The following ITGA11 variants were observed in gnomAD, a reference collection of about 807,000 sequenced individuals.
The protein encoded by ITGA11 is integrin alpha-11.
Under a neutral mutation model 141.9 loss-of-function variants are expected in ITGA11, and 97 were observed. The observed-to-expected ratio is 0.68, with a 90% CI of 0.58 to 0.81. The LOEUF is 0.81. Among genes scored for constraint, ITGA11 ranks in the 30% least tolerant of loss-of-function variants. ITGA11 has a pLI of 0.00. For synonymous variants in ITGA11, 658 were observed against 624.6 expected (o/e 1.05, Z -0.80); for missense variants, 1,387 against 1,559.2 (o/e 0.89, Z 1.86).
At chr15:68,318,436 A>G (rs1377745046) in intron 20 of ITGA11, among the ~76,000 whole-genome samples, 1 of 152,162 alleles carries the variant, frequency 6.6e-6, no homozygotes, top group East Asian at 1.9e-4. Context: ...CCAGACAGAC[A>G]CAAGTCCCTG....
intron 1 of ITGA11, among the ~76,000 whole-genome samples, chr15:68,422,810 A>G (rs936057792): frequency 2.0e-5 from 3 of 152,140 alleles, no homozygotes; most frequent in South Asian, 2.1e-4. Flanking sequence ...GCATTTACAA[A>G]TAATCTCTCT....
chr15:68,311,492 G>T, intron 24 of ITGA11, 89 bp from the exon 25 acceptor site: 2 of 862,892 alleles, frequency 2.3e-6, no homozygotes, highest in Non-Finnish European at 3.8e-6. Context: ...CCTGGGGGTG[G>T]CAATTCCCCC....
At chr15:68,430,687 A>T (rs559536240) in intron 1 of ITGA11, among the ~76,000 whole-genome samples, 1 of 152,162 alleles carries the variant, frequency 6.6e-6, no homozygotes, top group Admixed American at 6.5e-5. Flanking sequence ...CTCCTCCCGC[A>T]GCTGGCTTCT....
chr15:68,334,702 C>A (rs550706657), intron 12 of ITGA11, among the ~76,000 whole-genome samples: 1 of 152,132 alleles, frequency 6.6e-6, no homozygotes, highest in African/African-American at 2.4e-5. Flanking sequence ...TGGGTCACCG[C>A]GATTTGGAAT....
At chr15:68,427,496 G>T (rs1037350684) in intron 1 of ITGA11, among the ~76,000 whole-genome samples, 17 of 152,144 alleles carry the variant, frequency 1.1e-4, no homozygotes, top group Admixed American at 2.0e-4. Flanking sequence ...CTGCTGCTTG[G>T]TGAGTGCTTC....
At chr15:68,397,722 AT>A (rs1896352799) in intron 2 of ITGA11, among the ~76,000 whole-genome samples, 1 of 61,866 alleles carries the variant, frequency 1.6e-5, no homozygotes, top group East Asian at 4.3e-4. Context: ...TATTTAAAAT[AT>A]TATATTTAAA....
At chr15:68,351,447 T>C in intron 7 of ITGA11, 45 bp from the exon 8 acceptor site, 1 of 1,604,612 alleles carries the variant, frequency 6.2e-7, no homozygotes, top group Admixed American at 1.7e-5. Flanking sequence ...GTAAGTGGGA[T>C]TGGGGCAGCC....
intron 1 of ITGA11, among the ~76,000 whole-genome samples, chr15:68,405,535 C>A: frequency 6.6e-6 from 1 of 152,126 alleles, no homozygotes. Context: ...GTATATGAAC[C>A]CGTTAGTGCT....
At position 68,305,081 on chromosome 15, in the gene ITGA11, T is replaced by C. The variant is rs553738099; in HGVS notation, c.3382-1196A>G. On this transcript the variant is annotated intron_variant, in intron 28 of 29. Transcript: ENST00000315757. This position sits in a 1 kb window ranked among gnomAD's most constrained non-coding sequence, Gnocchi z 4.6. ...GTCCTGGCCCTGGCCTGCAAGGCCC[T>C]CCCCTCTCGGGTCCCACCTGTCTTG... Among the ~76,000 whole-genome samples, 2 of 152,342 alleles carry C rather than the reference T, an allele frequency of 1.3e-5. No individual in the cohort carries two copies. Among genetic ancestry groups the C allele is most frequent in the South Asian group, 4.1e-4 (2 of 4,822 alleles).
intron 10 of ITGA11, among the ~76,000 whole-genome samples, chr15:68,347,737 C>T (rs910317174): frequency 3.3e-5 from 5 of 152,202 alleles, no homozygotes; most frequent in African/African-American, 9.7e-5. Context: ...TTAACCTTCT[C>T]ATGCCTTGAA....
In ITGA11 at chr15:68,331,182, A is replaced by G. The variant is rs555263563; in HGVS notation, c.1771-71T>C. 1.7e-5 allele frequency: 23 copies of G among 1,334,852 alleles called. No individual in the cohort carries two copies. In the East Asian group the frequency reaches 5.8e-4, roughly 33 times the overall value. The allele number at this position is 1,334,852 out of a possible 1,614,324, so 82.7% of individuals were successfully genotyped here. ...GTGGGGGCGGGCGTCCCCGAGCAGCAGGAACAATCAGGAACAATAGGGAGC... is the reference window on the plus strand; with the variant it reads ...GTGGGGGCGGGCGTCCCCGAGCAGCGGGAACAATCAGGAACAATAGGGAGC... On this transcript the variant is annotated intron_variant, in intron 14 of 29. Coordinates refer to ENST00000315757, the MANE Select transcript of ITGA11 (RefSeq NM_001004439.2).
chr15:68,360,020 C>T (rs1895192498), intron 5 of ITGA11, among the ~76,000 whole-genome samples: 1 of 152,086 alleles, frequency 6.6e-6, no homozygotes, highest in South Asian at 2.1e-4. Flanking sequence ...AGTTGGGACG[C>T]CTGTTGCAGG....
intron 2 of ITGA11, among the ~76,000 whole-genome samples, chr15:68,383,387 T>G (rs72745252): frequency 0.031 from 4,690 of 152,294 alleles, 84 homozygotes; most frequent in African/African-American, 0.04. Context: ...AAGGGTTAGA[T>G]AGTGATTAAT....
Position 68,335,436 on chromosome 15 carries a change from G to A in ITGA11, c.1425+261C>T, listed in dbSNP as rs1236713273. ...TGGTTGCCAACCACCTCCCTGTGGG[G>A]CAATGGCATTGGCAGCCTTCCCATT... is the stretch of plus-strand genomic sequence containing the variant. On this transcript the variant is annotated intron_variant, in intron 12 of 29. Transcript: ENST00000315757. This position sits in a 1 kb window ranked among gnomAD's most constrained non-coding sequence, Gnocchi z 4.9. 6.6e-6 allele frequency among the ~76,000 whole-genome samples: 1 copy of A among 152,222 alleles called. No individual in the cohort carries two copies. The highest frequency in any genetic ancestry group is 1.5e-5 in the Non-Finnish European group (1 of 68,038).
At chr15:68,339,357 G>A in intron 11 of ITGA11, 143 bp downstream of exon 11, 1 of 888,850 alleles carries the variant, frequency 1.1e-6, no homozygotes, top group Admixed American at 2.3e-5. Flanking sequence ...TGCCCCCGGG[G>A]ATGCTCTTCA....
chr15:68,423,218 G>A (rs1356425583), intron 1 of ITGA11, among the ~76,000 whole-genome samples: 3 of 152,166 alleles, frequency 2.0e-5, no homozygotes, highest in African/African-American at 7.2e-5. Flanking sequence ...TCCCTTTTCA[G>A]TAGGGGAGAT....
At chr15:68,357,031 G>A (rs1895091572) in intron 7 of ITGA11, 120 bp downstream of exon 7, 2 of 941,442 alleles carry the variant, frequency 2.1e-6, no homozygotes, top group South Asian at 3.6e-5. Flanking sequence ...AGAATTTTGA[G>A]GAATTAAGAA....
intron 1 of ITGA11, among the ~76,000 whole-genome samples, chr15:68,411,005 T>C (rs934825787): frequency 2.0e-5 from 3 of 152,182 alleles, no homozygotes; most frequent in African/African-American, 7.2e-5. Context: ...AGTGTGCGGT[T>C]CCGCCCCCAT....
intron 1 of ITGA11, among the ~76,000 whole-genome samples, chr15:68,409,383 T>C (rs1896717899): frequency 6.6e-6 from 1 of 152,076 alleles, no homozygotes; most frequent in South Asian, 2.1e-4. Flanking sequence ...GCCTACCGGA[T>C]TTCTCACCTT....
Sources: allele counts gnomAD v4.1 joint callset (sites outside exome capture counted in the v4.1 genomes callset), GRCh38; gene constraint gnomAD v4.1.1; non-coding constraint Gnocchi (gnomAD v3.1); transcripts MANE v1.5; gene names NCBI Gene and HGNC (gene_info 2026-07-23, HGNC 2026-07-21).